Variants in CUL5 observed in about 807,000 individuals in gnomAD.
The protein encoded by CUL5 is cullin-5.
A neutral mutation model predicts 108.8 loss-of-function variants in CUL5; 26 were observed. The ratio of observed to expected loss-of-function variants is 0.24; its 90% CI spans 0.18 to 0.33. CUL5 has a LOEUF of 0.33. CUL5 is among the 10% of genes least tolerant of loss of function. CUL5 has a pLI of 1.00. For synonymous variants in CUL5, 334 were observed against 298.0 expected (o/e 1.12, Z -1.25); for missense variants, 524 against 909.2 (o/e 0.58, Z 5.45).
At chr11:108,012,028 AT>A (rs2135028013) in intron 1 of CUL5, among the ~76,000 whole-genome samples, 1 of 152,324 alleles carries the variant, frequency 6.6e-6, no homozygotes, top group East Asian at 1.9e-4. Flanking sequence ...CTATGTAAAG[AT>A]TTGTGTAGCA....
chr11:108,074,174 C>CT (rs1863891532), intron 10 of CUL5: 1 of 145,596 alleles, frequency 6.9e-6, no homozygotes, highest in Non-Finnish European at 1.5e-5. Context: ...TTTTCTCACT[C>CT]TTTTTGTCTA....
chr11:108,104,472 T>C lies in CUL5; in HGVS notation c.*88T>C, dbSNP rs1864742538. ...AAGTTTGTGCTGGAGAAAGGTTTAT[T>C]TGGACTTTGATTACATAAATATTAA... On this transcript the variant is annotated 3_prime_UTR_variant, in exon 19 of 19. Coordinates refer to ENST00000393094, the MANE Select transcript of CUL5 (RefSeq NM_003478.6). 2.5e-6 allele frequency: 2 copies of C among 802,440 alleles called. No individual in the cohort carries two copies. The highest frequency in any genetic ancestry group is 4.5e-5 in the South Asian group (2 of 44,344). 49.7% of individuals were successfully genotyped at this position (802,440 alleles called of 1,614,324 possible). A position where few individuals can be genotyped will look rare whatever the true frequency, so the allele number is the denominator to read the frequency against.
At chr11:108,032,993 G>C (rs1862632719) in intron 1 of CUL5, among the ~76,000 whole-genome samples, 1 of 152,138 alleles carries the variant, frequency 6.6e-6, no homozygotes, top group Non-Finnish European at 1.5e-5. Flanking sequence ...TAAGCTTGGG[G>C]GATTCCCAAA....
intron 11 of CUL5, among the ~76,000 whole-genome samples, chr11:108,083,066 C>T (rs1046251415): frequency 6.6e-6 from 1 of 152,248 alleles, no homozygotes; most frequent in Non-Finnish European, 1.5e-5. Flanking sequence ...ACTTTTACTT[C>T]TTCCTTTCCA....
intron 8 of CUL5, among the ~76,000 whole-genome samples, chr11:108,071,408 G>A (rs1368050811): frequency 1.3e-5 from 2 of 151,952 alleles, no homozygotes; most frequent in East Asian, 1.9e-4. Flanking sequence ...GACTACAGCC[G>A]TGTACCACCA....
In CUL5 at chr11:108,101,053, C is replaced by T. The variant is rs80040779; in HGVS notation, c.2148+2524C>T. On this transcript the variant is annotated intron_variant, in intron 18 of 18. Coordinates refer to ENST00000393094, the MANE Select transcript of CUL5 (RefSeq NM_003478.6). ...AAAAAAAAGAGTTGAAATGTATAAG[C>T]GGGTGTAGTCGTACGATAAGATGTG... 4.9e-4 allele frequency among the ~76,000 whole-genome samples: 74 copies of T among 152,212 alleles called. 1 individual carries two copies. In the East Asian group the frequency reaches 0.014, roughly 29 times the overall value.
intron 7 of CUL5, among the ~76,000 whole-genome samples, chr11:108,062,199 T>C (rs1478402480): frequency 6.6e-6 from 1 of 150,416 alleles, no homozygotes; most frequent in Non-Finnish European, 1.5e-5. Context: ...AATAGTGCTT[T>C]CTGGAATATC....
intron 7 of CUL5, among the ~76,000 whole-genome samples, chr11:108,058,318 C>T (rs377138159): frequency 5.0e-5 from 7 of 139,668 alleles, no homozygotes; most frequent in African/African-American, 1.3e-4. Context: ...GTGCAGTCTC[C>T]GCTCACTGCA....
intron 7 of CUL5, among the ~76,000 whole-genome samples, chr11:108,068,272 T>G (rs953760550): frequency 2.0e-5 from 3 of 152,200 alleles, no homozygotes; most frequent in Non-Finnish European, 2.9e-5. Flanking sequence ...CATTTAAAAG[T>G]CATCAGCATC....
intron 1 of CUL5, among the ~76,000 whole-genome samples, chr11:108,019,862 G>A (rs184786135): frequency 1.3e-5 from 2 of 152,272 alleles, no homozygotes; most frequent in African/African-American, 4.8e-5. Context: ...CTGTAGGCTG[G>A]TGAGGTCCTC....
rs576331052 is a variant in CUL5, at chr11:108,088,385, A to G, written c.1179-142A>G. 305 of 841,266 alleles carry G rather than the reference A, an allele frequency of 3.6e-4. 5 individuals are homozygous for G. The South Asian group carries it at 5.4e-3, about 15-fold the overall frequency. 52.1% of individuals were successfully genotyped at this position (841,266 alleles called of 1,614,324 possible). A position where few individuals can be genotyped will look rare whatever the true frequency, so the allele number is the denominator to read the frequency against. On this transcript the variant is annotated intron_variant, in intron 11 of 18. Transcript: ENST00000393094. ...AGTGCCTCCCTAAATTAGGCACCCT[A>G]GGATGCTTGCTTATCCTAGTTCCAA...
chr11:108,045,678 A>G (rs1468516364), intron 2 of CUL5, among the ~76,000 whole-genome samples: 1 of 152,158 alleles, frequency 6.6e-6, no homozygotes, highest in Non-Finnish European at 1.5e-5. Context: ...CCTGGACAAC[A>G]TAGCAAGACT....
intron 18 of CUL5, among the ~76,000 whole-genome samples, chr11:108,099,101 C>T (rs753171866): frequency 6.7e-5 from 10 of 149,706 alleles, no homozygotes; most frequent in Non-Finnish European, 1.2e-4. Context: ...ACTCCCTGGG[C>T]TCAAAGGATC....
chr11:108,014,515 CA>C (rs1033390162), intron 1 of CUL5, among the ~76,000 whole-genome samples: 1 of 152,102 alleles, frequency 6.6e-6, no homozygotes, highest in African/African-American at 2.4e-5. Flanking sequence ...CTCAAGCCCT[CA>C]ATCTATTTTT....
At chr11:108,025,564 A>T (rs1000824461) in intron 1 of CUL5, among the ~76,000 whole-genome samples, 2 of 152,068 alleles carry the variant, frequency 1.3e-5, no homozygotes, top group African/African-American at 4.8e-5. Flanking sequence ...TGTGGACTCT[A>T]CCCAATGCCT....
At chr11:108,024,249 G>T (rs1180657567) in intron 1 of CUL5, among the ~76,000 whole-genome samples, 1 of 152,106 alleles carries the variant, frequency 6.6e-6, no homozygotes, top group Non-Finnish European at 1.5e-5. Flanking sequence ...AGGTTGTACA[G>T]TGTGCATAAA....
rs941972250 is a variant in CUL5 at position 108,071,140 on chromosome 11, G to A, written c.874+951G>A. On this transcript the variant is annotated intron_variant, in intron 8 of 18. Transcript: ENST00000393094. ...TCTAATCTCTAATATAGTTGCTTTC[G>A]TAATTATTACTCATGTTTTTTACCT... 5.9e-5 allele frequency among the ~76,000 whole-genome samples: 9 copies of A among 152,102 alleles called. No homozygotes were observed. The East Asian group carries it at 9.6e-4, about 16-fold the overall frequency.
At chr11:108,094,647 A>G (rs1864444494) in intron 14 of CUL5, 133 bp downstream of exon 14, 7 of 772,800 alleles carry the variant, frequency 9.1e-6, no homozygotes, top group South Asian at 2.4e-5. Flanking sequence ...GGAGACAGCT[A>G]TCAAAGCAGT....
intron 2 of CUL5, among the ~76,000 whole-genome samples, chr11:108,044,547 G>A (rs1162659121): frequency 6.6e-6 from 1 of 151,424 alleles, no homozygotes. Context: ...TTTGATTATT[G>A]ACATGTTGTA....
Sources: gnomAD v4.1 joint callset for allele counts (sites outside exome capture counted in the v4.1 genomes callset) on GRCh38, gnomAD v4.1.1 for gene constraint, MANE v1.5 for transcripts, NCBI Gene and HGNC (gene_info 2026-07-23, HGNC 2026-07-21) for gene names.